PCDHA8: variants seen among roughly 807,000 people sequenced by gnomAD.
The protein encoded by PCDHA8 is protocadherin alpha 8.
In PCDHA8, 53 loss-of-function variants were observed where a neutral mutation model predicts 61.8. That is an observed-to-expected ratio of 0.86 (90% CI 0.69 to 1.08). PCDHA8 has a LOEUF of 1.08. Among genes scored for constraint, PCDHA8 ranks in the 50% least tolerant of loss-of-function variants. The probability of loss-of-function intolerance (pLI) is 0.00; values close to 1 mark genes in which losing one functional copy is unlikely to be tolerated. For missense variants in PCDHA8, 1,293 were observed against 1,245.0 expected (o/e 1.04, Z -0.58); for synonymous variants, 618 against 556.6 (o/e 1.11, Z -1.55).
chr5:140,963,932 A>C (rs564788639), intron 1 of PCDHA8, among the ~76,000 whole-genome samples: 74 of 152,352 alleles, frequency 4.9e-4, no homozygotes, highest in African/African-American at 1.6e-3. Context: ...ACATGTCCAT[A>C]GCCAAACAGT....
In PCDHA8 at chr5:140,900,301, C is replaced by CAG. The variant is rs1168626144; in HGVS notation, c.2394+56587_2394+56588dup. Among the ~76,000 whole-genome samples the CAG allele has an allele frequency of 1.4e-4, 22 of 152,156 alleles. No homozygotes were observed. The East Asian group carries it at 4.1e-3, about 28-fold the overall frequency. On this transcript the variant is annotated intron_variant, in intron 1 of 3. Coordinates refer to ENST00000531613, the MANE Select transcript of PCDHA8 (RefSeq NM_018911.3). ...ACACTTTCTTTTCTGTTTTTTTAGACAGTCTCACTTTTGTCGCCCAGGCTG... is the reference window on the plus strand; with the variant it reads ...ACACTTTCTTTTCTGTTTTTTTAGACAGAGTCTCACTTTTGTCGCCCAGGCTG...
intron 1 of PCDHA8, among the ~76,000 whole-genome samples, chr5:140,873,086 C>A (rs984385666): frequency 1.3e-5 from 2 of 152,240 alleles, no homozygotes; most frequent in African/African-American, 2.4e-5. Flanking sequence ...ATTTCCCCCC[C>A]GTATAGAGGC....
At chr5:140,876,056 T>G in intron 1 of PCDHA8, 1 of 1,613,918 alleles carries the variant, frequency 6.2e-7, no homozygotes, top group Non-Finnish European at 8.5e-7. Flanking sequence ...CCTGAATTAG[T>G]TCTTCGGAAG....
chr5:140,905,086 G>A (rs1454643340), intron 1 of PCDHA8, among the ~76,000 whole-genome samples: 1 of 152,056 alleles, frequency 6.6e-6, no homozygotes, highest in Non-Finnish European at 1.5e-5. Flanking sequence ...CTTTCTTTTG[G>A]GTTCTCAGTC....
rs150805116 is a variant in PCDHA8, at chr5:140,977,093, T to C, written c.2395-1856T>C. On this transcript the variant is annotated intron_variant, in intron 1 of 3. Coordinates refer to ENST00000531613, the MANE Select transcript of PCDHA8 (RefSeq NM_018911.3). ...GCAGCATGACAAATTAAATGTGTCA[T>C]TGGGGAAGTGAGATTGTATAATGAA... 6.6e-5 allele frequency among the ~76,000 whole-genome samples: 10 copies of C among 152,320 alleles called. No homozygotes were observed. The East Asian group carries it at 1.7e-3, about 26-fold the overall frequency.
intron 3 of PCDHA8, among the ~76,000 whole-genome samples, chr5:141,002,678 C>T (rs1361402849): frequency 6.6e-6 from 1 of 152,136 alleles, no homozygotes; most frequent in Non-Finnish European, 1.5e-5. Context: ...AAAACCTATA[C>T]GACGTGCAGA....
At chr5:141,008,626 A>G (rs375674921) in intron 3 of PCDHA8, among the ~76,000 whole-genome samples, 1 of 152,222 alleles carries the variant, frequency 6.6e-6, no homozygotes. Context: ...TTTCTCAAGT[A>G]TAATTAACAA....
chr5:140,901,557 A>G (rs782333756), intron 1 of PCDHA8, among the ~76,000 whole-genome samples: 4 of 152,034 alleles, frequency 2.6e-5, no homozygotes, highest in Non-Finnish European at 5.9e-5. Context: ...CCATTCATCT[A>G]TGTGTCTGTT....
At chr5:140,898,583 G>C (rs1179481608) in intron 1 of PCDHA8, among the ~76,000 whole-genome samples, 2 of 152,124 alleles carry the variant, frequency 1.3e-5, no homozygotes, top group African/African-American at 4.8e-5. Context: ...TGCTGTTTTG[G>C]TTACTGTAGC....
intron 1 of PCDHA8, among the ~76,000 whole-genome samples, chr5:140,890,160 C>T (rs1554184178): frequency 1.3e-5 from 2 of 152,246 alleles, no homozygotes; most frequent in East Asian, 3.9e-4. Context: ...AGTATTTCTG[C>T]CACAGAAATA....
chr5:140,984,645 C>T (rs1354690786), intron 3 of PCDHA8, among the ~76,000 whole-genome samples: 1 of 152,164 alleles, frequency 6.6e-6, no homozygotes, highest in African/African-American at 2.4e-5. Flanking sequence ...TGCCTTCTCC[C>T]TGTCCTTCTG....
chr5:141,009,771 T>C lies in PCDHA8; in HGVS notation c.2687T>C (p.Ile896Thr), dbSNP rs142720081. 3.1e-5 allele frequency: 50 copies of C among 1,613,964 alleles called. No homozygotes were observed. The highest frequency in any genetic ancestry group is 1.6e-4 in the Middle Eastern group (1 of 6,084). Residue 896 changes from isoleucine (I) to threonine (T), a missense_variant, in exon 4 of 4, where the codon ATC (isoleucine) becomes ACC (threonine). Transcript: ENST00000531613. ...DKFIIPGSPA[I>T]ISIRQEPTNS... ...TTCATTATCCCAGGATCTCCTGCAA[T>C]CATCTCCATCCGGCAGGAGCCTACT...
intron 3 of PCDHA8, among the ~76,000 whole-genome samples, chr5:141,007,850 C>A (rs1299909821): frequency 6.6e-6 from 1 of 152,156 alleles, no homozygotes; most frequent in Non-Finnish European, 1.5e-5. Context: ...GACTCAAAGT[C>A]CTTAAAGGTC....
intron 1 of PCDHA8, chr5:140,868,353 A>T (rs1303376076): frequency 6.6e-6 from 1 of 152,174 alleles, no homozygotes; most frequent in Non-Finnish European, 1.5e-5. Flanking sequence ...ATCAGAAAGC[A>T]ATTAAATGTA....
chr5:140,899,269 A>G (rs1301807291), intron 1 of PCDHA8, among the ~76,000 whole-genome samples: 43 of 152,142 alleles, frequency 2.8e-4, no homozygotes, highest in African/African-American at 1.0e-3. Flanking sequence ...GTCTTGTGGC[A>G]GTTTTCAAAG....
chr5:140,882,265 T>A (rs782012488), intron 1 of PCDHA8: 2 of 1,609,948 alleles, frequency 1.2e-6, no homozygotes, highest in African/African-American at 2.7e-5. Flanking sequence ...TTTTGGAGTG[T>A]ACCATGCTGT....
At chr5:141,003,245 A>T (rs1554258962) in intron 3 of PCDHA8, among the ~76,000 whole-genome samples, 1 of 152,216 alleles carries the variant, frequency 6.6e-6, no homozygotes, top group African/African-American at 2.4e-5. Context: ...TTTGCCAAAA[A>T]GATTCCTGGG....
intron 1 of PCDHA8, chr5:140,866,669 T>C (rs571274167): frequency 6.6e-6 from 1 of 152,260 alleles, no homozygotes; most frequent in South Asian, 2.1e-4. Context: ...CAAGAAATAA[T>C]AGCACTAGGT....
At chr5:140,871,249 C>T (rs782675743) in intron 1 of PCDHA8, 1 of 1,613,984 alleles carries the variant, frequency 6.2e-7, no homozygotes, top group Non-Finnish European at 8.5e-7. Context: ...CACGCTGCTG[C>T]TGTATACGGC....
Sources: allele counts gnomAD v4.1 joint callset (sites outside exome capture counted in the v4.1 genomes callset), GRCh38; gene constraint gnomAD v4.1.1; transcripts MANE v1.5; gene names NCBI Gene and HGNC (gene_info 2026-07-23, HGNC 2026-07-21).